Variants in BMPR1B observed in about 807,000 individuals in gnomAD.
BMPR1B encodes the protein bone morphogenetic protein receptor type 1B.
BMPR1B carries 12 observed loss-of-function variants against 59.1 expected under a neutral mutation model. The observed-to-expected ratio is 0.20, with a 90% CI of 0.13 to 0.33. BMPR1B has a LOEUF of 0.33. Ranked by LOEUF, BMPR1B falls within the 10% of genes least tolerant of loss-of-function variation. The pLI, the probability that BMPR1B is intolerant of heterozygous loss-of-function variation, is 1.00. For missense variants in BMPR1B, 550 were observed against 610.9 expected, an observed-to-expected ratio of 0.90 and a Z score of 1.05; for synonymous variants, 237 against 207.3, an observed-to-expected ratio of 1.14 and a Z score of -1.23.
At chr4:94,978,591 C>T (rs1361180096) in intron 2 of BMPR1B, among the ~76,000 whole-genome samples, 3 of 152,104 alleles carry the variant, frequency 2.0e-5, no homozygotes, top group African/African-American at 4.8e-5. Context: ...TTTCACACAC[C>T]AAACATTTAT....
chr4:94,962,068 T>A (rs1425784771), intron 2 of BMPR1B, among the ~76,000 whole-genome samples: 1 of 126,882 alleles, frequency 7.9e-6, no homozygotes, highest in African/African-American at 3.7e-5. Context: ...TTTTCTTTCT[T>A]TTCTTTCCTT....
chr4:94,827,819 A>G (rs1157094594), intron 1 of BMPR1B, among the ~76,000 whole-genome samples: 29 of 152,234 alleles, frequency 1.9e-4, no homozygotes, highest in Admixed American at 1.8e-3. Flanking sequence ...GATAAAATCA[A>G]CGGGATGAGT....
chr4:94,815,922 G>C (rs925732199), intron 1 of BMPR1B, among the ~76,000 whole-genome samples: 2 of 152,116 alleles, frequency 1.3e-5, no homozygotes, highest in Non-Finnish European at 2.9e-5. Context: ...TTACTTTTGT[G>C]TGAATTGTCA....
chr4:94,975,634 C>T (rs1437662184), intron 2 of BMPR1B, among the ~76,000 whole-genome samples: 1 of 151,976 alleles, frequency 6.6e-6, no homozygotes, highest in Non-Finnish European at 1.5e-5. Context: ...AATCCACCCA[C>T]CTCCCAAAGT....
At chr4:95,075,743 T>TA (rs1350826307) in intron 3 of BMPR1B, among the ~76,000 whole-genome samples, 2 of 152,096 alleles carry the variant, frequency 1.3e-5, no homozygotes, top group Non-Finnish European at 2.9e-5. Flanking sequence ...TCTCATACTT[T>TA]ATAGAACACA....
At chr4:95,005,518 G>T (rs1722759446) in intron 3 of BMPR1B, among the ~76,000 whole-genome samples, 1 of 152,052 alleles carries the variant, frequency 6.6e-6, no homozygotes, top group African/African-American at 2.4e-5. Flanking sequence ...ACCCAGCCAG[G>T]AGCCATACAT....
chr4:95,149,205 T>G (rs886151510), intron 11 of BMPR1B, among the ~76,000 whole-genome samples: 1 of 152,192 alleles, frequency 6.6e-6, no homozygotes, highest in African/African-American at 2.4e-5. Context: ...ATTTCTGTCT[T>G]GGGTTCTTCC....
At position 95,114,652 on chromosome 4, in the gene BMPR1B, A is replaced by G. The variant is rs1214309004; in HGVS notation, c.144-68A>G. On this transcript the variant is annotated intron_variant, in intron 4 of 12. Transcript: ENST00000515059. ...TTATTTCCTTTTCCCCTAGACACAC[A>G]CACACACACACACACACTGACTCAC... 13 of 1,288,642 alleles carry G rather than the reference A, an allele frequency of 1.0e-5. No individual in the cohort carries two copies. In the South Asian group the frequency reaches 1.5e-4, roughly 15 times the overall value. The allele number at this position is 1,288,642 out of a possible 1,614,324, so 79.8% of individuals were successfully genotyped here.
At chr4:94,759,538 T>C (rs1721675505) in intron 1 of BMPR1B, among the ~76,000 whole-genome samples, 1 of 152,262 alleles carries the variant, frequency 6.6e-6, no homozygotes, top group Non-Finnish European at 1.5e-5. Flanking sequence ...ACTCTCCTAA[T>C]TATTGTTTTG....
intron 2 of BMPR1B, among the ~76,000 whole-genome samples, chr4:94,930,014 G>A (rs1311275060): frequency 6.6e-6 from 1 of 151,964 alleles, no homozygotes; most frequent in Non-Finnish European, 1.5e-5. Context: ...AGGCTTGCTT[G>A]TTCTGTCTCC....
intron 2 of BMPR1B, among the ~76,000 whole-genome samples, chr4:94,951,019 A>T (rs1729913053): frequency 6.6e-6 from 1 of 152,018 alleles, no homozygotes; most frequent in Admixed American, 6.6e-5. Flanking sequence ...TTGTATTCCT[A>T]GGTATTTTAT....
At chr4:94,823,330 G>A (rs1339212688) in intron 1 of BMPR1B, among the ~76,000 whole-genome samples, 3 of 152,164 alleles carry the variant, frequency 2.0e-5, no homozygotes, top group Non-Finnish European at 4.4e-5. Context: ...GTGGGAGAAC[G>A]GATGTGGTAG....
intron 4 of BMPR1B, among the ~76,000 whole-genome samples, chr4:95,111,736 T>A (rs1731646487): frequency 6.6e-6 from 1 of 152,108 alleles, no homozygotes; most frequent in Non-Finnish European, 1.5e-5. Flanking sequence ...AAATGCCTGA[T>A]GATTTTTCTA....
intron 1 of BMPR1B, among the ~76,000 whole-genome samples, chr4:94,822,376 A>G (rs1034308796): frequency 1.9e-4 from 29 of 152,232 alleles, no homozygotes; most frequent in Non-Finnish European, 3.2e-4. Context: ...TAGAAGGCAG[A>G]GACCACTTGA....
intron 1 of BMPR1B, among the ~76,000 whole-genome samples, chr4:94,758,577 C>T (rs1392323533): frequency 6.6e-6 from 1 of 152,082 alleles, no homozygotes; most frequent in Non-Finnish European, 1.5e-5. Flanking sequence ...CACCCACCTG[C>T]CCCGGACGCC....
chr4:95,043,853 C>G (rs1725848088), intron 3 of BMPR1B, among the ~76,000 whole-genome samples: 1 of 152,134 alleles, frequency 6.6e-6, no homozygotes, highest in South Asian at 2.1e-4. Context: ...ATCATCATAT[C>G]TACACTATAA....
At chr4:95,051,659 G>C in intron 3 of BMPR1B, 1 of 1,527,628 alleles carries the variant, frequency 6.5e-7, no homozygotes, top group South Asian at 1.2e-5. Context: ...AGAAACAGGA[G>C]GCTTAAACAG....
At chr4:94,832,010 C>G (rs1443005642) in intron 1 of BMPR1B, among the ~76,000 whole-genome samples, 2 of 152,290 alleles carry the variant, frequency 1.3e-5, no homozygotes, top group East Asian at 1.9e-4. Context: ...CCCACTGATT[C>G]TACATCATGG....
At chr4:94,930,571 A>G (rs1729059888) in intron 2 of BMPR1B, among the ~76,000 whole-genome samples, 2 of 152,152 alleles carry the variant, frequency 1.3e-5, no homozygotes, top group South Asian at 4.1e-4. Flanking sequence ...TAGTAGGTAT[A>G]CAATGGGAAT....
Sources: allele counts gnomAD v4.1 joint callset (sites outside exome capture counted in the v4.1 genomes callset), GRCh38; gene constraint gnomAD v4.1.1; transcripts MANE v1.5; gene names NCBI Gene and HGNC (gene_info 2026-07-23, HGNC 2026-07-21).